Variants in ZNF385B observed in about 807,000 individuals in gnomAD.
ZNF385B encodes the protein zinc finger protein 385B, also known as zinc finger protein 533.
In ZNF385B, 23 loss-of-function variants were observed where a neutral mutation model predicts 39.2. That is an observed-to-expected ratio of 0.59 (90% confidence interval 0.42 to 0.83). ZNF385B has a LOEUF of 0.83. Among genes scored for constraint, ZNF385B ranks in the 40% least tolerant of loss-of-function variants. The probability of loss-of-function intolerance (pLI) is 0.00; values close to 1 mark genes in which losing one functional copy is unlikely to be tolerated. For missense variants in ZNF385B, 552 were observed against 598.9 expected (o/e 0.92, Z 0.82); for synonymous variants, 205 against 222.6 (o/e 0.92, Z 0.70).
At chr2:179,625,862 A>C (rs1465149578) in intron 3 of ZNF385B, among the ~76,000 whole-genome samples, 1 of 152,102 alleles carries the variant, frequency 6.6e-6, no homozygotes, top group African/African-American at 2.4e-5. Context: ...CAGACACAAG[A>C]TGCATCTTCA....
chr2:179,856,204 A>G (rs975941349), intron 1 of ZNF385B, among the ~76,000 whole-genome samples: 3 of 152,186 alleles, frequency 2.0e-5, no homozygotes, highest in Non-Finnish European at 4.4e-5. Flanking sequence ...AGAAATAAGA[A>G]TATTTCTTCA....
At chr2:179,715,269 T>C (rs1293449252) in intron 3 of ZNF385B, among the ~76,000 whole-genome samples, 1 of 152,164 alleles carries the variant, frequency 6.6e-6, no homozygotes, top group East Asian at 1.9e-4. Flanking sequence ...CCACCATAGG[T>C]GATGACTTCC....
chr2:179,449,354 A>G (rs1176771010), intron 6 of ZNF385B, among the ~76,000 whole-genome samples: 2 of 152,172 alleles, frequency 1.3e-5, no homozygotes, highest in East Asian at 1.9e-4. Context: ...TGAGAAGGCC[A>G]TCGTCTCAGC....
At chr2:179,636,220 A>G (rs1691737605) in intron 3 of ZNF385B, among the ~76,000 whole-genome samples, 1 of 152,182 alleles carries the variant, frequency 6.6e-6, no homozygotes, top group African/African-American at 2.4e-5. Flanking sequence ...TACTGACTAC[A>G]TACTTCTAGG....
chr2:179,559,995 A>T (rs146139456), intron 3 of ZNF385B, among the ~76,000 whole-genome samples: 1,767 of 152,296 alleles, frequency 0.012, 12 homozygotes, highest in South Asian at 0.025. Flanking sequence ...ATTTTAAAAA[A>T]GTCTACATAT....
chr2:179,639,249 A>AAAAAAAG (rs71029824), intron 3 of ZNF385B, among the ~76,000 whole-genome samples: 11 of 128,698 alleles, frequency 8.5e-5, no homozygotes, highest in African/African-American at 2.8e-4. Context: ...AAAAAAAAAA[A>AAAAAAAG]GGGGGAGAAA....
chr2:179,817,644 ACTGT>A (rs772414493), intron 1 of ZNF385B, among the ~76,000 whole-genome samples: 2 of 148,924 alleles, frequency 1.3e-5, no homozygotes, highest in African/African-American at 2.5e-5. Flanking sequence ...AGTAGACATC[ACTGT>A]CTGTGTGTGT....
chr2:179,569,798 C>CA (rs1285467374), intron 3 of ZNF385B, among the ~76,000 whole-genome samples: 1 of 152,148 alleles, frequency 6.6e-6, no homozygotes, highest in Non-Finnish European at 1.5e-5. Flanking sequence ...GAAAGAATTC[C>CA]AATAAGACTT....
chr2:179,617,092 T>C (rs1689812626), intron 3 of ZNF385B, among the ~76,000 whole-genome samples: 1 of 152,202 alleles, frequency 6.6e-6, no homozygotes, highest in Admixed American at 6.5e-5. Context: ...AATTTTCTCT[T>C]GGCATTTAAT....
Position 179,592,673 on chromosome 2 carries a change from A to G in ZNF385B, c.299-47704T>C, listed in dbSNP as rs557676015. ...GAAAACTGCTTTGGAATTATGTTCT[A>G]TTGTTTCATGGTCCATATGGGGTTG... On this transcript the variant is annotated intron_variant, in intron 3 of 9. Coordinates refer to ENST00000410066, the MANE Select transcript of ZNF385B (RefSeq NM_152520.6). 2.2e-4 allele frequency among the ~76,000 whole-genome samples: 34 copies of G among 152,184 alleles called. 1 individual carries two copies. In the South Asian group the frequency reaches 6.9e-3, roughly 31 times the overall value.
At chr2:179,760,917 T>C (rs1226891817) in intron 3 of ZNF385B, among the ~76,000 whole-genome samples, 2 of 151,244 alleles carry the variant, frequency 1.3e-5, no homozygotes, top group Admixed American at 1.3e-4. Flanking sequence ...TATTTTTATA[T>C]GGTGTCAGAA....
chr2:179,564,523 C>T lies in ZNF385B; in HGVS notation c.299-19554G>A, dbSNP rs112598586. On this transcript the variant is annotated intron_variant, in intron 3 of 9. Transcript: ENST00000410066. ...CATTCTTAAGGAAACAAAACTTGCT[C>T]CATTCTTGTTAGCCTCTTAGTCTAC... Among the ~76,000 whole-genome samples the T allele has an allele frequency of 2.4e-3, 369 of 152,266 alleles. 3 individuals carry two copies. Among genetic ancestry groups the T allele is most frequent in the African/African-American group, 8.5e-3 (355 of 41,556 alleles).
chr2:179,839,136 G>A lies in ZNF385B; in HGVS notation c.-155+21965C>T, dbSNP rs560910571. ...GGATCCAGAAGAGAACTGCTTAGCT[G>A]TAGTCAGCTGACAGCCTCTCTCACC... On this transcript the variant is annotated intron_variant, in intron 1 of 9. Coordinates refer to ENST00000410066, the MANE Select transcript of ZNF385B (RefSeq NM_152520.6). Among the ~76,000 whole-genome samples the A allele has an allele frequency of 1.3e-3, 194 of 152,304 alleles. 1 individual carries two copies. The Middle Eastern group carries it at 0.017, about 13-fold the overall frequency.
intron 4 of ZNF385B, among the ~76,000 whole-genome samples, chr2:179,523,348 G>GTTT (rs574497139): frequency 0.013 from 1,407 of 108,550 alleles, 19 homozygotes; most frequent in South Asian, 0.03. Context: ...ATCTGTGTGC[G>GTTT]TTTTTTTTTT....
intron 2 of ZNF385B, among the ~76,000 whole-genome samples, chr2:179,770,033 T>C (rs1703924713): frequency 6.6e-6 from 1 of 152,116 alleles, no homozygotes; most frequent in South Asian, 2.1e-4. Flanking sequence ...CCTGGAGCAC[T>C]TTATACCCCA....
intron 1 of ZNF385B, among the ~76,000 whole-genome samples, chr2:179,832,855 T>C (rs1213669282): frequency 6.6e-6 from 1 of 152,242 alleles, no homozygotes; most frequent in Non-Finnish European, 1.5e-5. Flanking sequence ...CCATGCTGAA[T>C]TGAAGTGATT....
chr2:179,629,372 T>C (rs1364480128), intron 3 of ZNF385B, among the ~76,000 whole-genome samples: 2 of 152,252 alleles, frequency 1.3e-5, no homozygotes, highest in East Asian at 1.9e-4. Context: ...ATATAATCTT[T>C]ACTCATAACC....
At chr2:179,642,200 C>T (rs2106222449) in intron 3 of ZNF385B, among the ~76,000 whole-genome samples, 1 of 152,276 alleles carries the variant, frequency 6.6e-6, no homozygotes, top group Non-Finnish European at 1.5e-5. Context: ...CTCACGGAAT[C>T]ATTTGGTCTT....
chr2:179,754,607 G>A (rs1702892397), intron 3 of ZNF385B, among the ~76,000 whole-genome samples: 1 of 152,116 alleles, frequency 6.6e-6, no homozygotes. Context: ...CTCAATTTCA[G>A]AGCCTGTTAT....
Sources: allele counts gnomAD v4.1 joint callset (sites outside exome capture counted in the v4.1 genomes callset), GRCh38; gene constraint gnomAD v4.1.1; transcripts MANE v1.5; gene names NCBI Gene and HGNC (gene_info 2026-07-23, HGNC 2026-07-21).